RGS22: variants seen among roughly 807,000 people sequenced by gnomAD.
RGS22 encodes the protein regulator of G-protein signaling 22.
A neutral mutation model predicts 172.9 loss-of-function variants in RGS22; 148 were observed. That is an observed-to-expected ratio of 0.86 (90% CI 0.75 to 0.98). The LOEUF (loss-of-function observed/expected upper bound fraction) is 0.98. Among genes scored for constraint, RGS22 ranks in the 50% least tolerant of loss-of-function variants. The pLI is 0.00. For missense variants in RGS22, 1,347 were observed against 1,440.8 expected (o/e 0.93, Z 1.05); for synonymous variants, 458 against 480.2 (o/e 0.95, Z 0.60).
chr8:99,989,032 T>C (rs1246217538), intron 20 of RGS22, among the ~76,000 whole-genome samples: 2 of 151,954 alleles, frequency 1.3e-5, no homozygotes, highest in Admixed American at 6.6e-5. Flanking sequence ...AATAATAAAA[T>C]ATATGTAATA....
intron 19 of RGS22, 128 bp downstream of exon 19, chr8:99,999,134 G>C: frequency 1.3e-6 from 1 of 762,816 alleles, no homozygotes; most frequent in South Asian, 2.0e-5. Context: ...ACTTCAGACT[G>C]GGTGACAGAG....
chr8:99,964,411 C>T (rs1810512751), intron 24 of RGS22, among the ~76,000 whole-genome samples: 2 of 147,490 alleles, frequency 1.4e-5, no homozygotes, highest in Admixed American at 6.9e-5. Context: ...CCCTTGCACC[C>T]TTTAACCTGC....
In RGS22 at chr8:100,008,395, C is replaced by A. The variant is rs747751605; in HGVS notation, c.2341G>T (p.Asp781Tyr). Residue 781 changes from aspartate (D) to tyrosine (Y), a missense_variant, in exon 15 of 28, where the codon GAC becomes TAC. Asp to Tyr is a radical substitution (Grantham distance 160). Coordinates refer to ENST00000360863, the MANE Select transcript of RGS22 (RefSeq NM_015668.5). The part of the protein sequence containing the change: ...LEPWTKMVKS[D>Y]QIAYKKVELV... ...GGTACCTTTTTATAAGCAATTTGGT[C>A]CGATTTTACCATCTTTGTCCATGGC... The A allele has an allele frequency of 2.5e-6, 4 of 1,609,754 alleles. No homozygotes were observed. Among genetic ancestry groups the A allele is most frequent in the Admixed American group, 3.4e-5 (2 of 58,692 alleles).
chr8:100,001,237 T>TATATATATATACATATATATATA (rs529176374), intron 18 of RGS22, among the ~76,000 whole-genome samples: 1 of 57,156 alleles, frequency 1.7e-5, no homozygotes, highest in African/African-American at 4.7e-5. Context: ...TATATATACA[T>TATATATATATACATATATATATA]TTTTTTTTTT....
chr8:100,035,061 T>A (rs1173054805), intron 14 of RGS22, among the ~76,000 whole-genome samples: 1 of 152,092 alleles, frequency 6.6e-6, no homozygotes, highest in Non-Finnish European at 1.5e-5. Context: ...GGACTTCATG[T>A]CTAAAACACC....
intron 23 of RGS22, among the ~76,000 whole-genome samples, chr8:99,976,202 A>T (rs1042098648): frequency 2.6e-5 from 4 of 152,106 alleles, no homozygotes; most frequent in Admixed American, 6.5e-5. Flanking sequence ...GAAATAAAAT[A>T]AAAAAAATAA....
At chr8:100,071,937 C>T (rs1811012751) in intron 5 of RGS22, among the ~76,000 whole-genome samples, 1 of 152,180 alleles carries the variant, frequency 6.6e-6, no homozygotes, top group African/African-American at 2.4e-5. Context: ...GAGGCTCACG[C>T]CTGTAATCCC....
At chr8:100,011,152 A>G (rs566771198) in intron 14 of RGS22, among the ~76,000 whole-genome samples, 1 of 152,268 alleles carries the variant, frequency 6.6e-6, no homozygotes, top group Admixed American at 6.5e-5. Context: ...AAGAGAAGAT[A>G]CTTTAAAGGG....
At chr8:99,975,352 T>A (rs1448168203) in intron 23 of RGS22, among the ~76,000 whole-genome samples, 1 of 152,172 alleles carries the variant, frequency 6.6e-6, no homozygotes, top group Non-Finnish European at 1.5e-5. Context: ...TTACTAATAA[T>A]CCTTAATTAA....
intron 23 of RGS22, among the ~76,000 whole-genome samples, chr8:99,967,969 T>C (rs1256643208): frequency 6.6e-6 from 1 of 152,180 alleles, no homozygotes; most frequent in African/African-American, 2.4e-5. Flanking sequence ...GACAGACACT[T>C]CACACAGGAT....
intron 14 of RGS22, among the ~76,000 whole-genome samples, chr8:100,037,152 G>C (rs775507718): frequency 6.6e-6 from 1 of 152,046 alleles, no homozygotes; most frequent in South Asian, 2.1e-4. Flanking sequence ...AAAAAATAAA[G>C]TTGGGCATGG....
intron 14 of RGS22, among the ~76,000 whole-genome samples, chr8:100,026,652 A>C (rs1465620889): frequency 6.6e-6 from 1 of 152,214 alleles, no homozygotes; most frequent in Non-Finnish European, 1.5e-5. Context: ...TGGAGATGTC[A>C]GGAACAGGAC....
chr8:100,084,933 T>C (rs16897935), intron 3 of RGS22, among the ~76,000 whole-genome samples: 2,370 of 152,334 alleles, frequency 0.016, 51 homozygotes, highest in African/African-American at 0.047. Flanking sequence ...AGGGCAAATA[T>C]GTCCCCAGTG....
At chr8:100,031,626 C>T (rs1270939645) in intron 14 of RGS22, among the ~76,000 whole-genome samples, 1 of 151,834 alleles carries the variant, frequency 6.6e-6, no homozygotes, top group Non-Finnish European at 1.5e-5. Flanking sequence ...CATACGTTTA[C>T]TTATTTTTAT....
chr8:100,081,487 CCA>C (rs1194586051), intron 3 of RGS22, among the ~76,000 whole-genome samples: 1 of 151,674 alleles, frequency 6.6e-6, no homozygotes, highest in African/African-American at 2.4e-5. Flanking sequence ...GAATGTCAGT[CCA>C]CAGTCTCAAA....
chr8:100,079,435 G>A (rs1361989676), intron 4 of RGS22, among the ~76,000 whole-genome samples: 1 of 152,030 alleles, frequency 6.6e-6, no homozygotes, highest in East Asian at 1.9e-4. Flanking sequence ...AGAACTTTCA[G>A]GCTAGAGTAG....
chr8:100,005,203 G>A (rs1033014848), intron 16 of RGS22, among the ~76,000 whole-genome samples: 1 of 151,764 alleles, frequency 6.6e-6, no homozygotes, highest in Non-Finnish European at 1.5e-5. Flanking sequence ...AAAAATTTCA[G>A]ATATGTACAA....
At chr8:100,030,559 T>C (rs949755139) in intron 14 of RGS22, among the ~76,000 whole-genome samples, 2 of 152,084 alleles carry the variant, frequency 1.3e-5, no homozygotes, top group Non-Finnish European at 2.9e-5. Context: ...AAGAAAAGAC[T>C]GCAAAAGTAA....
chr8:100,066,086 AGTACT>A (rs1810513193), intron 7 of RGS22, 76 bp downstream of exon 7: 1 of 1,318,650 alleles, frequency 7.6e-7, no homozygotes, highest in East Asian at 2.4e-5. Flanking sequence ...CCAACCACTA[AGTACT>A]GTACTGTAAA....
Sources: allele counts gnomAD v4.1 joint callset (sites outside exome capture counted in the v4.1 genomes callset), GRCh38; gene constraint gnomAD v4.1.1; transcripts MANE v1.5; gene names NCBI Gene and HGNC (gene_info 2026-07-23, HGNC 2026-07-21).